Variants in WDR6 observed in about 807,000 individuals in gnomAD.
WDR6 encodes the protein WD repeat domain 6.
A neutral mutation model predicts 85.6 loss-of-function variants in WDR6; 58 were observed. The observed-to-expected ratio is 0.68, with a 90% CI of 0.55 to 0.84. The LOEUF is 0.84. WDR6 is among the 40% of genes least tolerant of loss of function. WDR6 has a pLI of 0.00. For missense variants in WDR6, 1,310 were observed against 1,476.4 expected (o/e 0.89, Z 1.85); for synonymous variants, 569 against 582.2 (o/e 0.98, Z 0.33).
chr3:49,011,404 T>C, intron 1 of WDR6: 1 of 1,437,706 alleles, frequency 7.0e-7, no homozygotes, highest in African/African-American at 1.4e-5. Flanking sequence ...CTTTTTTTTT[T>C]TTTTCTTTTG....
Position 49,013,610 on chromosome 3 carries a change from C to T in WDR6, c.2076C>T (p.His692=), listed in dbSNP as rs753082616. The change falls in exon 2 of 6, where the codon CAC becomes CAT. Residue 692 remains histidine (H), a synonymous_variant. Transcript: ENST00000608424. This position sits in a 1 kb window ranked among gnomAD's most constrained non-coding sequence, Gnocchi z 4.6. The part of the protein sequence containing the change: ...YRALGGCTRP[H]VILREGLHGR... Reference sequence around the variant, plus strand: ...CTCTGGGTGGCTGCACCCGGCCACACGTGATTCTCCGGGAGGGTCTGCATG... The same window carrying T: ...CTCTGGGTGGCTGCACCCGGCCACATGTGATTCTCCGGGAGGGTCTGCATG... The T allele has an allele frequency of 3.1e-6, 5 of 1,614,078 alleles. No individual in the cohort carries two copies. Among genetic ancestry groups the T allele is most frequent in the East Asian group, 2.2e-5 (1 of 44,884 alleles).
Position 49,007,612 on chromosome 3 carries a change from G to C in WDR6, c.100+81G>C. ...CAGGGGCGGTGCCACAGGGACAAAA[G>C]GGGTGCCCTGAGGAGAAGGACGGGC... On this transcript the variant is annotated intron_variant, in intron 1 of 5. Coordinates refer to ENST00000608424, the MANE Select transcript of WDR6 (RefSeq NM_018031.6). The surrounding 1 kb of genome is among the most constrained non-coding windows in gnomAD (Gnocchi z 5.1). 1.4e-6 allele frequency: 2 copies of C among 1,473,186 alleles called. No homozygotes were observed. Among genetic ancestry groups the C allele is most frequent in the East Asian group, 4.8e-5 (2 of 41,492 alleles). 91.3% of individuals were successfully genotyped at this position (1,473,186 alleles called of 1,614,324 possible).
In WDR6 at chr3:49,012,172, T is replaced by C. The variant is rs750241009; in HGVS notation, c.638T>C (p.Phe213Ser). ...RRISGHVGII[F>S]SMSYLESKGL... is the part of the protein sequence containing the mutation. ...ATCAGTGGGCATGTGGGCATCATCT[T>C]CAGCATGTCATACCTGGAAAGCAAG... The change falls in exon 2 of 6, where the codon TTC becomes TCC. Residue 213 changes from phenylalanine to serine, a missense_variant. Phe to Ser is a radical substitution (Grantham distance 155). Transcript: ENST00000608424. The surrounding 1 kb of genome is among the most constrained non-coding windows in gnomAD (Gnocchi z 4.4). 2.5e-6 allele frequency: 4 copies of C among 1,614,246 alleles called. No homozygotes were observed. The highest frequency in any genetic ancestry group is 2.2e-5 in the South Asian group (2 of 91,092).
chr3:49,012,921 G>A lies in WDR6; in HGVS notation c.1387G>A (p.Ala463Thr). 6.2e-7 allele frequency: 1 copy of A among 1,613,882 alleles called. No individual in the cohort carries two copies. The change falls in exon 2 of 6, where the codon GCT (alanine) becomes ACT (threonine). Residue 463 changes from alanine to threonine, a missense_variant. Coordinates refer to ENST00000608424, the MANE Select transcript of WDR6 (RefSeq NM_018031.6). The surrounding 1 kb of genome is among the most constrained non-coding windows in gnomAD (Gnocchi z 4.4). ...GGCATCGGGCCCTGGCGGGGTAGTA[G>A]CTTGCCTAGAGATCTCAGCCGCACC... The part of the protein sequence containing the change: ...LLASGPGGVV[A>T]CLEISAAPSG...
chr3:49,011,394 C>CTTT, intron 1 of WDR6: 68 of 1,146,758 alleles, frequency 5.9e-5, no homozygotes, highest in South Asian at 1.8e-4. Context: ...CAAGGATTTT[C>CTTT]TTTTTTTTTT....
Position 49,012,004 on chromosome 3 carries a change from G to T in WDR6, c.470G>T (p.Arg157Met). Residue 157 changes from arginine (R) to methionine (M), a missense_variant, in exon 2 of 6, where the codon AGG (arginine) becomes ATG (methionine). By Grantham distance (91) the Arg-to-Met change is moderately conservative (BLOSUM62 -1). Coordinates refer to ENST00000608424, the MANE Select transcript of WDR6 (RefSeq NM_018031.6). The surrounding 1 kb of genome is among the most constrained non-coding windows in gnomAD (Gnocchi z 4.4). ...CTGCAAGAGGTGCCCTGCACAGACAGGTGCACCCTCTCTTCAGCCTGCCTG... is the reference window on the plus strand; with the variant it reads ...CTGCAAGAGGTGCCCTGCACAGACATGTGCACCCTCTCTTCAGCCTGCCTG... The part of the protein sequence containing the change: ...CILQEVPCTD[R>M]CTLSSACLIG... 6 of 1,614,212 alleles carry T rather than the reference G, an allele frequency of 3.7e-6. No homozygotes were observed. The highest frequency in any genetic ancestry group is 5.1e-6 in the Non-Finnish European group (6 of 1,180,036).
chr3:49,015,753 C>T lies in WDR6; in HGVS notation c.*465C>T. On this transcript the variant is annotated 3_prime_UTR_variant, in exon 6 of 6. Coordinates refer to ENST00000608424, the MANE Select transcript of WDR6 (RefSeq NM_018031.6). ...TGGTCTCATCCTCTGCTTCCTTTGC[C>T]TTTACCCTATACCTCTCTGCACGTC... is the stretch of plus-strand genomic sequence containing the variant. 1.2e-6 allele frequency: 2 copies of T among 1,614,122 alleles called. No homozygotes were observed. Among genetic ancestry groups the T allele is most frequent in the Non-Finnish European group, 1.7e-6 (2 of 1,179,992 alleles).
Position 49,014,689 on chromosome 3 carries a change from A to G in WDR6, c.2873A>G (p.Glu958Gly). 1 of 1,613,282 alleles carries G rather than the reference A, an allele frequency of 6.2e-7. No individual in the cohort carries two copies. Among genetic ancestry groups the G allele is most frequent in the Non-Finnish European group, 8.5e-7 (1 of 1,179,932 alleles). The change falls in exon 5 of 6, where the codon GAG becomes GGG. Residue 958 changes from glutamate to glycine, a missense_variant. Glu to Gly is a moderately conservative substitution (Grantham distance 98, BLOSUM62 -2). Transcript: ENST00000608424. This position sits in a 1 kb window ranked among gnomAD's most constrained non-coding sequence, Gnocchi z 4.9. ...CTAGACCATGACTCCACTGTCCTGG[A>G]GCCTCCAGTGGATCCTGGGCTTCCC... ...TMLDHDSTVL[E>G]PPVDPGLPYR...
In WDR6 at chr3:49,012,894, C is replaced by G. The variant is rs1219304498; in HGVS notation, c.1360C>G (p.Leu454Val). The G allele has an allele frequency of 1.2e-6, 2 of 1,613,680 alleles. No homozygotes were observed. The highest frequency in any genetic ancestry group is 1.7e-6 in the Non-Finnish European group (2 of 1,179,922). ...ALRGYEELLL[L>V]ASGPGGVVAC... The stretch of plus-strand genomic sequence containing the variant: ...GCGTGGTTATGAGGAGCTCCTGTTG[C>G]TGGCATCGGGCCCTGGCGGGGTAGT... Residue 454 changes from leucine to valine, a missense_variant, in exon 2 of 6, where the codon CTG (leucine) becomes GTG (valine). Coordinates refer to ENST00000608424, the MANE Select transcript of WDR6 (RefSeq NM_018031.6). This position sits in a 1 kb window ranked among gnomAD's most constrained non-coding sequence, Gnocchi z 4.4.
Position 49,013,916 on chromosome 3 carries a change from T to C in WDR6, c.2382T>C (p.Pro794=), listed in dbSNP as rs2093032990. 6.2e-7 allele frequency: 1 copy of C among 1,613,440 alleles called. No homozygotes were observed. Among genetic ancestry groups the C allele is most frequent in the Non-Finnish European group, 8.5e-7 (1 of 1,179,994 alleles). Reference sequence around the variant, plus strand: ...GCACCCCAGGTGGCCCTCAGGATCCTCAGCCAGGCCTGACTGCCCATGTGG... The same window carrying C: ...GCACCCCAGGTGGCCCTCAGGATCCCCAGCCAGGCCTGACTGCCCATGTGG... ...GIGTPGGPQD[P]QPGLTAHVVS... The change falls in exon 2 of 6, where the codon CCT becomes CCC. Residue 794 remains proline, a synonymous_variant. Transcript: ENST00000608424. The surrounding 1 kb of genome is among the most constrained non-coding windows in gnomAD (Gnocchi z 4.6).
rs1416663930 is a variant in WDR6 at position 49,015,212 on chromosome 3, G to C, written c.3290G>C (p.Trp1097Ser). The C allele has an allele frequency of 1.2e-6, 2 of 1,613,656 alleles. No homozygotes were observed. The highest frequency in any genetic ancestry group is 2.7e-5 in the African/African-American group (2 of 74,926). Residue 1097 changes from tryptophan to serine, a missense_variant, in exon 6 of 6, where the codon TGG becomes TCG. By Grantham distance (177) the Trp-to-Ser change is radical (BLOSUM62 -3). Coordinates refer to ENST00000608424, the MANE Select transcript of WDR6 (RefSeq NM_018031.6). ...CCTGATGTGGCTGACATGGACTGCT[G>C]GCCTGTGAGCCCTGAGTTTGGCCAC... ...HVPDVADMDC[W>S]PVSPEFGHRC...
rs573315166 is a variant in WDR6, at chr3:49,014,795, C to T, written c.2903-30C>T. On this transcript the variant is annotated intron_variant, in intron 5 of 5. Transcript: ENST00000608424. This position sits in a 1 kb window ranked among gnomAD's most constrained non-coding sequence, Gnocchi z 4.9. ...CCTCACACATGTGGCAGGCGGGGCC[C>T]TGACAACTACCCTCTTCCTCTTCCT... is the stretch of plus-strand genomic sequence containing the variant. 1 of 1,603,130 alleles carries T rather than the reference C, an allele frequency of 6.2e-7. No individual in the cohort carries two copies. Among genetic ancestry groups the T allele is most frequent in the Admixed American group, 1.7e-5 (1 of 59,452 alleles).
chr3:49,014,590 T>G lies in WDR6; in HGVS notation c.2784-10T>G, dbSNP rs907599313. On this transcript the variant is annotated splice_polypyrimidine_tract_variant and intron_variant, in intron 4 of 5. Coordinates refer to ENST00000608424, the MANE Select transcript of WDR6 (RefSeq NM_018031.6). The surrounding 1 kb of genome is among the most constrained non-coding windows in gnomAD (Gnocchi z 4.9). ...TGTTATTGACCAGGCTGTCTTTTCC[T>G]GGCTCTCAGGAGGCTCCTCCTGTGC... 2.4e-5 allele frequency: 39 copies of G among 1,613,530 alleles called. No individual in the cohort carries two copies. Among genetic ancestry groups the G allele is most frequent in the Non-Finnish European group, 3.3e-5 (39 of 1,179,974 alleles).
rs1189195719 is a variant in WDR6 at position 49,013,443 on chromosome 3, T to TTTG, written c.1911_1913dup (p.Val639dup). ...TATCCTGGGTTTCCATGCCAATGAG[T>TTTG]TTGTGGTGTGGAACCCTCGGTCACA... On this transcript the variant is annotated inframe_insertion, in exon 2 of 6. Coordinates refer to ENST00000608424, the MANE Select transcript of WDR6 (RefSeq NM_018031.6). This position sits in a 1 kb window ranked among gnomAD's most constrained non-coding sequence, Gnocchi z 4.6. 1.1e-5 allele frequency: 17 copies of TTTG among 1,613,830 alleles called. No homozygotes were observed. Among genetic ancestry groups the TTTG allele is most frequent in the Non-Finnish European group, 1.4e-5 (16 of 1,179,982 alleles).
chr3:49,013,788 G>T lies in WDR6; in HGVS notation c.2254G>T (p.Val752Phe), dbSNP rs202233082. The T allele has an allele frequency of 1.9e-6, 3 of 1,613,990 alleles. No individual in the cohort carries two copies. In the African/African-American group the frequency reaches 4.0e-5, roughly 22 times the overall value. ...IVITCSEDTT[V>F]CVLALPTTTG... The stretch of plus-strand genomic sequence containing the variant: ...GATCACATGTAGTGAGGACACTACT[G>T]TCTGTGTCCTAGCACTCCCTACAAC... The change falls in exon 2 of 6, where the codon GTC (valine) becomes TTC (phenylalanine). Residue 752 changes from valine (V) to phenylalanine (F), a missense_variant. By Grantham distance (50) the Val-to-Phe change is conservative (BLOSUM62 -1). Transcript: ENST00000608424. The surrounding 1 kb of genome is among the most constrained non-coding windows in gnomAD (Gnocchi z 4.6).
Position 49,007,725 on chromosome 3 carries a change from C to CA in WDR6, c.100+197dup. ...CCTGAAGAGGGCGGGGCCCGAGAGACAAAGCTGATGTGGCCGCCGCGGCGC... is the reference window on the plus strand; with the variant it reads ...CCTGAAGAGGGCGGGGCCCGAGAGACAAAAGCTGATGTGGCCGCCGCGGCGC... On this transcript the variant is annotated intron_variant, in intron 1 of 5. Coordinates refer to ENST00000608424, the MANE Select transcript of WDR6 (RefSeq NM_018031.6). The surrounding 1 kb of genome is among the most constrained non-coding windows in gnomAD (Gnocchi z 5.1). 7.9e-7 allele frequency: 1 copy of CA among 1,266,036 alleles called. No individual in the cohort carries two copies. The highest frequency in any genetic ancestry group is 1.0e-6 in the Non-Finnish European group (1 of 994,148). 78.4% of individuals were successfully genotyped at this position (1,266,036 alleles called of 1,614,324 possible).
rs753166331 is a variant in WDR6 at position 49,012,640 on chromosome 3, G to A, written c.1106G>A (p.Gly369Glu). Residue 369 changes from glycine to glutamate, a missense_variant, in exon 2 of 6, where the codon GGG becomes GAG. Coordinates refer to ENST00000608424, the MANE Select transcript of WDR6 (RefSeq NM_018031.6). This position sits in a 1 kb window ranked among gnomAD's most constrained non-coding sequence, Gnocchi z 4.4. ...CGACTGCTGGCAGTGACTGATACAG[G>A]GGCCCTGTATCTCTATGACGTCGAG... ...SWRLLAVTDT[G>E]ALYLYDVEVK... 1.2e-6 allele frequency: 2 copies of A among 1,613,970 alleles called. No homozygotes were observed. Among genetic ancestry groups the A allele is most frequent in the Non-Finnish European group, 8.5e-7 (1 of 1,180,012 alleles).
chr3:49,015,387 G>GT lies in WDR6; in HGVS notation c.*99_*100insT. 23 of 1,476,786 alleles carry GT rather than the reference G, an allele frequency of 1.6e-5. No individual in the cohort carries two copies. The highest frequency in any genetic ancestry group is 2.1e-5 in the Non-Finnish European group (23 of 1,089,736). 91.5% of individuals were successfully genotyped at this position (1,476,786 alleles called of 1,614,324 possible). On this transcript the variant is annotated 3_prime_UTR_variant, in exon 6 of 6. Transcript: ENST00000608424. ...GTGCCCATGCTCAGCATGCCTTGAG[G>GT]GGAGGAGGTGGTGGCCGTGGGTTCC... is the stretch of plus-strand genomic sequence containing the variant.
chr3:49,015,704 G>C lies in WDR6; in HGVS notation c.*416G>C. ...ATCTGACCAAAGAGGTGTGGTCGAG[G>C]CTCCTGAAAGAGAAAGGGCCTGCTG... is the stretch of plus-strand genomic sequence containing the variant. On this transcript the variant is annotated 3_prime_UTR_variant, in exon 6 of 6. Coordinates refer to ENST00000608424, the MANE Select transcript of WDR6 (RefSeq NM_018031.6). 6.2e-7 allele frequency: 1 copy of C among 1,614,060 alleles called. No individual in the cohort carries two copies. Among genetic ancestry groups the C allele is most frequent in the Non-Finnish European group, 8.5e-7 (1 of 1,180,014 alleles).
Sources: allele counts gnomAD v4.1 joint callset, GRCh38; gene constraint gnomAD v4.1.1; non-coding constraint Gnocchi (gnomAD v3.1); transcripts MANE v1.5; gene names NCBI Gene and HGNC (gene_info 2026-07-23, HGNC 2026-07-21).